The following STOX2 variants were observed in gnomAD, a reference collection of about 807,000 sequenced individuals.
STOX2 encodes storkhead-box protein 2.
In STOX2, 28 loss-of-function variants were observed where a neutral mutation model predicts 60.9. The observed-to-expected ratio is 0.46, with a 90% CI of 0.34 to 0.63. STOX2 has a LOEUF of 0.63. Among genes scored for constraint, STOX2 ranks in the 30% least tolerant of loss-of-function variants. The pLI is 0.01. For missense variants in STOX2, 1,024 were observed against 1,187.7 expected, an observed-to-expected ratio of 0.86 and a Z score of 2.03; for synonymous variants, 472 against 463.9, an observed-to-expected ratio of 1.02 and a Z score of -0.22.
At chr4:183,816,388 T>G (rs1739154407) in intron 1 of STOX2, among the ~76,000 whole-genome samples, 1 of 152,312 alleles carries the variant, frequency 6.6e-6, no homozygotes, top group South Asian at 2.1e-4. Context: ...CTAAGTAAAT[T>G]AATGCAGAAA....
chr4:184,011,699 A>T lies in STOX2; in HGVS notation c.2585+276A>T. The T allele has an allele frequency of 1.6e-6, 2 of 1,249,626 alleles. No homozygotes were observed. Among genetic ancestry groups the T allele is most frequent in the Non-Finnish European group, 2.1e-6 (2 of 955,578 alleles). 77.4% of individuals were successfully genotyped at this position (1,249,626 alleles called of 1,614,324 possible). On this transcript the variant is annotated intron_variant, in intron 3 of 3. Transcript: ENST00000308497. This position sits in a 1 kb window ranked among gnomAD's most constrained non-coding sequence, Gnocchi z 4.4. ...TCTAACTAAAACCAATATTTCCAGT[A>T]TTTTTTCTGCTACGTTCATATTGCC...
chr4:183,990,888 G>A (rs548015882), intron 1 of STOX2, among the ~76,000 whole-genome samples: 60 of 152,106 alleles, frequency 3.9e-4, no homozygotes, highest in Non-Finnish European at 6.8e-4. Flanking sequence ...TGCCGAATTC[G>A]GGAAGTTTAG....
intron 1 of STOX2, among the ~76,000 whole-genome samples, chr4:183,837,955 C>T (rs895761403): frequency 7.9e-5 from 12 of 151,976 alleles, no homozygotes; most frequent in Non-Finnish European, 2.9e-5. Context: ...GTGGCACTCA[C>T]TTTTTTAGGA....
chr4:183,962,463 G>A (rs1027483494), intron 1 of STOX2, among the ~76,000 whole-genome samples: 29 of 152,194 alleles, frequency 1.9e-4, no homozygotes, highest in African/African-American at 6.5e-4. Context: ...ATACGTTAAA[G>A]ATTAAGTAGA....
chr4:183,938,836 T>C (rs192291481), intron 1 of STOX2, among the ~76,000 whole-genome samples: 4 of 152,300 alleles, frequency 2.6e-5, no homozygotes, highest in Middle Eastern at 3.4e-3. Context: ...TTCGAATTTT[T>C]TCCAGCCTTG....
In STOX2 at chr4:183,802,896, C is replaced by A. The variant is rs1328237606; in HGVS notation, c.364+4841C>A. On this transcript the variant is annotated intron_variant, in intron 1 of 2. Transcript: ENST00000513034. ...TTGGCCTTCCAAAGTGCTGGGGTTACAGGCGTGAGCCACCGCACCCGGCCC... is the reference window on the plus strand; with the variant it reads ...TTGGCCTTCCAAAGTGCTGGGGTTAAAGGCGTGAGCCACCGCACCCGGCCC... 2.6e-5 allele frequency among the ~76,000 whole-genome samples: 4 copies of A among 152,220 alleles called. No individual in the cohort carries two copies. The South Asian group carries it at 8.3e-4, about 32-fold the overall frequency.
intron 1 of STOX2, among the ~76,000 whole-genome samples, chr4:183,953,583 T>TTTTTTTTTTTTTTTG (rs1743157572): frequency 6.6e-6 from 1 of 151,864 alleles, no homozygotes; most frequent in Non-Finnish European, 1.5e-5. Flanking sequence ...TGATTTTTTT[T>TTTTTTTTTTTTTTTG]GAGACTGAGT....
chr4:183,984,552 T>C (rs1386831153), intron 1 of STOX2, among the ~76,000 whole-genome samples: 1 of 152,242 alleles, frequency 6.6e-6, no homozygotes, highest in Non-Finnish European at 1.5e-5. Flanking sequence ...CATAGGACTT[T>C]GCAGTTAGGC....
rs1239725819 is a variant in STOX2, at chr4:184,023,030, T to G, written c.*5746T>G. The G allele has an allele frequency of 1.3e-5, 2 of 152,234 alleles. No homozygotes were observed. Among genetic ancestry groups the G allele is most frequent in the Non-Finnish European group, 2.9e-5 (2 of 68,042 alleles). 9.4% of individuals were successfully genotyped at this position (152,234 alleles called of 1,614,324 possible). ...GATCATAATTCTGCAGGTATCTTTC[T>G]CTGAGTGACTGAATGTGACTATTGC... On this transcript the variant is annotated 3_prime_UTR_variant, in exon 4 of 4. Transcript: ENST00000308497.
chr4:183,910,748 G>A (rs1196703184), intron 1 of STOX2, among the ~76,000 whole-genome samples: 3 of 152,024 alleles, frequency 2.0e-5, no homozygotes, highest in Non-Finnish European at 2.9e-5. Flanking sequence ...TTAATACTAC[G>A]GTTTTAAAGC....
chr4:183,936,845 T>C (rs1742604889), intron 1 of STOX2, among the ~76,000 whole-genome samples: 1 of 152,218 alleles, frequency 6.6e-6, no homozygotes, highest in Non-Finnish European at 1.5e-5. Context: ...GCAAATGATA[T>C]GTCACCTCAC....
Position 184,009,304 on chromosome 4 carries a change from A to G in STOX2, c.466A>G (p.Lys156Glu), listed in dbSNP as rs756830807. 16 of 1,613,894 alleles carry G rather than the reference A, an allele frequency of 9.9e-6. No individual in the cohort carries two copies. The South Asian group carries it at 1.6e-4, about 17-fold the overall frequency. Residue 156 changes from lysine (K) to glutamate (E), a missense_variant, in exon 3 of 4, where the codon AAA (lysine) becomes GAA (glutamate). Around this residue, in one of 3 missense-constraint regions of STOX2, gnomAD observed 922 missense variants for 1,058.3 expected, o/e 0.87. Transcript: ENST00000308497. The surrounding 1 kb of genome is among the most constrained non-coding windows in gnomAD (Gnocchi z 4.0). ...TCCTTCCCTCATAAGAACTAACAGT[A>G]AATGGTACCATTTGGACGAGAGGAT... ...ITPSLIRTNSKWYHLDERIPD... is the reference protein window; with the variant it reads ...ITPSLIRTNSEWYHLDERIPD...
At chr4:183,989,966 A>T (rs1288761969) in intron 1 of STOX2, among the ~76,000 whole-genome samples, 1 of 152,214 alleles carries the variant, frequency 6.6e-6, no homozygotes, top group Non-Finnish European at 1.5e-5. Flanking sequence ...TTAAAGGCAG[A>T]TGTTCAAGAC....
chr4:183,997,404 C>G (rs776814688), intron 1 of STOX2, among the ~76,000 whole-genome samples: 2 of 152,230 alleles, frequency 1.3e-5, no homozygotes, highest in Non-Finnish European at 2.9e-5. Flanking sequence ...ATAGGGTGGA[C>G]AGGCTCAGGC....
intron 1 of STOX2, among the ~76,000 whole-genome samples, chr4:183,952,295 A>G (rs1743119640): frequency 6.6e-6 from 1 of 152,226 alleles, no homozygotes; most frequent in Non-Finnish European, 1.5e-5. Context: ...GGATTCATAT[A>G]CTATTCTTCT....
intron 1 of STOX2, among the ~76,000 whole-genome samples, chr4:183,983,702 A>G (rs1024550381): frequency 2.0e-5 from 3 of 152,352 alleles, no homozygotes; most frequent in Admixed American, 6.5e-5. Context: ...ACTAAGGGCC[A>G]TCTAGCAAAT....
chr4:183,934,233 G>A (rs1197344304), intron 1 of STOX2, among the ~76,000 whole-genome samples: 1 of 152,132 alleles, frequency 6.6e-6, no homozygotes, highest in Non-Finnish European at 1.5e-5. Flanking sequence ...AACCCAGGAG[G>A]CGGAGGTTGT....
intron 1 of STOX2, among the ~76,000 whole-genome samples, chr4:183,930,315 G>A (rs997145488): frequency 5.9e-5 from 9 of 151,742 alleles, no homozygotes; most frequent in African/African-American, 1.5e-4. Flanking sequence ...ACAGACGTGC[G>A]CCACCAAGCC....
chr4:183,924,155 C>T (rs1742176284), intron 1 of STOX2, among the ~76,000 whole-genome samples: 2 of 152,202 alleles, frequency 1.3e-5, no homozygotes, highest in Non-Finnish European at 2.9e-5. Flanking sequence ...TCCTTCAAAT[C>T]CTCACTGCTT....
Sources: allele counts gnomAD v4.1 joint callset (sites outside exome capture counted in the v4.1 genomes callset), GRCh38; gene constraint gnomAD v4.1.1; regional missense constraint gnomAD v4.1.1; non-coding constraint Gnocchi (gnomAD v3.1); transcripts MANE v1.5; gene names NCBI Gene and HGNC (gene_info 2026-07-23, HGNC 2026-07-21).